The following NCOA7 variants were observed in gnomAD, a reference collection of about 807,000 sequenced individuals.
NCOA7 encodes the protein 140 kDa estrogen receptor-associated protein.
A neutral mutation model predicts 104.3 loss-of-function variants in NCOA7; 45 were observed. That is an observed-to-expected ratio of 0.43 (90% CI 0.34 to 0.55). NCOA7 has a LOEUF of 0.55. NCOA7 is among the 20% of genes least tolerant of loss of function. NCOA7 has a pLI of 0.02. For synonymous variants in NCOA7, 398 were observed against 402.3 expected (o/e 0.99, Z 0.13); for missense variants, 1,041 against 1,119.7 (o/e 0.93, Z 1.00).
intron 2 of NCOA7, among the ~76,000 whole-genome samples, chr6:125,835,728 CA>C (rs1288996309): frequency 2.0e-5 from 3 of 152,206 alleles, no homozygotes; most frequent in Non-Finnish European, 4.4e-5. Context: ...TTTGATTGGA[CA>C]GGCCCACATA....
chr6:125,851,256 C>T (rs1333438863), intron 2 of NCOA7, among the ~76,000 whole-genome samples: 1 of 152,160 alleles, frequency 6.6e-6, no homozygotes, highest in Non-Finnish European at 1.5e-5. Flanking sequence ...TTTTATCCCT[C>T]AGCCACATCC....
chr6:125,881,065 C>A (rs370735640), intron 5 of NCOA7, 25 bp from the exon 6 acceptor site: 29 of 1,480,768 alleles, frequency 2.0e-5, no homozygotes, highest in Non-Finnish European at 2.6e-5. Context: ...CTGGTACTCA[C>A]CCATCTGTTC....
intron 2 of NCOA7, among the ~76,000 whole-genome samples, chr6:125,832,184 A>G (rs1167618580): frequency 6.6e-6 from 1 of 152,180 alleles, no homozygotes; most frequent in African/African-American, 2.4e-5. Flanking sequence ...AATCTACAAA[A>G]TTTCTACCAA....
intron 1 of NCOA7, among the ~76,000 whole-genome samples, chr6:125,781,914 T>C (rs1055493275): frequency 6.6e-6 from 1 of 152,210 alleles, no homozygotes; most frequent in Non-Finnish European, 1.5e-5. Flanking sequence ...GTTGCAACTA[T>C]AGAACATTGA....
At chr6:125,857,385 A>G (rs1781647256) in intron 3 of NCOA7, among the ~76,000 whole-genome samples, 2 of 151,604 alleles carry the variant, frequency 1.3e-5, no homozygotes, top group Non-Finnish European at 2.9e-5. Context: ...TTACAGGCAT[A>G]TGACACCACA....
At chr6:125,905,044 A>G (rs1785850911) in intron 10 of NCOA7, among the ~76,000 whole-genome samples, 1 of 152,184 alleles carries the variant, frequency 6.6e-6, no homozygotes, top group Non-Finnish European at 1.5e-5. Flanking sequence ...TCACTCATCC[A>G]TCAGCCCTGC....
At chr6:125,926,993 A>G (rs1788089669) in intron 13 of NCOA7, among the ~76,000 whole-genome samples, 1 of 152,224 alleles carries the variant, frequency 6.6e-6, no homozygotes, top group Non-Finnish European at 1.5e-5. Flanking sequence ...CCCGATAAGA[A>G]AAAGTACAAG....
At chr6:125,849,476 C>T (rs1240250621) in intron 2 of NCOA7, among the ~76,000 whole-genome samples, 4 of 152,220 alleles carry the variant, frequency 2.6e-5, no homozygotes, top group African/African-American at 9.6e-5. Context: ...TTTTGGCTTT[C>T]ACCTTGCCTT....
rs369302022 is a variant in NCOA7 at position 125,905,320 on chromosome 6, G to A, written c.2097-10013G>A. Among the ~76,000 whole-genome samples, 13 of 150,002 alleles carry A rather than the reference G, an allele frequency of 8.7e-5. No individual in the cohort carries two copies. In the South Asian group the frequency reaches 2.5e-3, roughly 29 times the overall value. On this transcript the variant is annotated intron_variant, in intron 10 of 15. Coordinates refer to ENST00000392477, the MANE Select transcript of NCOA7 (RefSeq NM_181782.5). ...CGCCCAGGCTGGAGTGCAGCGGTGCGATCTCGGCTCATTGCAACCTATGCC... is the reference window on the plus strand; with the variant it reads ...CGCCCAGGCTGGAGTGCAGCGGTGCAATCTCGGCTCATTGCAACCTATGCC...
chr6:125,829,590 G>A (rs1046364806), intron 2 of NCOA7, among the ~76,000 whole-genome samples: 2 of 152,180 alleles, frequency 1.3e-5, no homozygotes, highest in Admixed American at 6.5e-5. Context: ...ATGTTCCTGT[G>A]TTTTCTCAAG....
intron 3 of NCOA7, among the ~76,000 whole-genome samples, chr6:125,856,412 G>A (rs1432621953): frequency 1.3e-5 from 2 of 152,040 alleles, no homozygotes; most frequent in Admixed American, 1.3e-4. Flanking sequence ...GAGTGCAGTG[G>A]CGCGATCTCG....
intron 2 of NCOA7, among the ~76,000 whole-genome samples, chr6:125,842,413 A>C (rs1271385277): frequency 6.6e-6 from 1 of 152,206 alleles, no homozygotes; most frequent in Non-Finnish European, 1.5e-5. Flanking sequence ...TGTCACTGCA[A>C]TATATTGCTG....
At chr6:125,783,141 T>C (rs1241884296) in intron 1 of NCOA7, among the ~76,000 whole-genome samples, 1 of 152,182 alleles carries the variant, frequency 6.6e-6, no homozygotes, top group East Asian at 1.9e-4. Context: ...GAGACTTACG[T>C]TGTACTTCTG....
chr6:125,840,991 C>G (rs1210084770), intron 2 of NCOA7, among the ~76,000 whole-genome samples: 1 of 143,014 alleles, frequency 7.0e-6, no homozygotes, highest in African/African-American at 2.7e-5. Context: ...CACCCAGGTT[C>G]AAATGATTCT....
rs562237516 is a variant in NCOA7 at position 125,924,437 on chromosome 6, A to T, written c.2523+1603A>T. On this transcript the variant is annotated intron_variant, in intron 13 of 15. Transcript: ENST00000392477. ...ACCAGACACTAACTTTGCTTTCTGC[A>T]CCCCATCTACCCCGAAGGGGAAACT... is the stretch of plus-strand genomic sequence containing the variant. Among the ~76,000 whole-genome samples the T allele has an allele frequency of 1.1e-4, 16 of 152,334 alleles. No individual in the cohort carries two copies. The South Asian group carries it at 3.1e-3, about 30-fold the overall frequency.
intron 10 of NCOA7, among the ~76,000 whole-genome samples, chr6:125,898,685 C>A (rs900630687): frequency 1.3e-5 from 2 of 152,114 alleles, no homozygotes; most frequent in African/African-American, 4.8e-5. Context: ...GGACTCATGT[C>A]TAAACCCCTT....
chr6:125,840,122 G>C (rs1432869256), intron 2 of NCOA7, among the ~76,000 whole-genome samples: 1 of 152,008 alleles, frequency 6.6e-6, no homozygotes, highest in Non-Finnish European at 1.5e-5. Context: ...CAATGACGTT[G>C]ATGTTCCTGA....
chr6:125,840,860 T>G (rs1780063588), intron 2 of NCOA7, among the ~76,000 whole-genome samples: 1 of 139,724 alleles, frequency 7.2e-6, no homozygotes, highest in Admixed American at 7.6e-5. Flanking sequence ...GTTTTTTTTG[T>G]TTGGTTGGTT....
At chr6:125,920,706 G>A (rs1387373773) in intron 11 of NCOA7, among the ~76,000 whole-genome samples, 1 of 152,144 alleles carries the variant, frequency 6.6e-6, no homozygotes, top group Non-Finnish European at 1.5e-5. Flanking sequence ...ACCACGTCTA[G>A]CCTTGTGACT....
Sources: allele counts gnomAD v4.1 joint callset (sites outside exome capture counted in the v4.1 genomes callset), GRCh38; gene constraint gnomAD v4.1.1; transcripts MANE v1.5; gene names NCBI Gene and HGNC (gene_info 2026-07-23, HGNC 2026-07-21).